Variants in PBX1 observed in about 807,000 individuals in gnomAD.
PBX1 encodes the protein pre-B-cell leukemia transcription factor 1.
Under a neutral mutation model 53.4 loss-of-function variants are expected in PBX1, and 6 were observed. That is an observed-to-expected ratio of 0.11 (90% CI 0.06 to 0.22). The LOEUF (loss-of-function observed/expected upper bound fraction) is 0.22, where lower values mean the gene tolerates loss of function less well. PBX1 is among the 10% of genes least tolerant of loss of function. PBX1 has a pLI of 1.00. For missense variants in PBX1, 251 were observed against 551.4 expected (o/e 0.46, Z 5.46); for synonymous variants, 204 against 212.3 (o/e 0.96, Z 0.34).
At chr1:164,723,430 G>A (rs1664515239) in intron 2 of PBX1, among the ~76,000 whole-genome samples, 1 of 152,180 alleles carries the variant, frequency 6.6e-6, no homozygotes, top group Non-Finnish European at 1.5e-5. Context: ...GATGTGCTTG[G>A]AGCATTGGCA....
At chr1:164,705,876 A>G (rs1323209677) in intron 2 of PBX1, among the ~76,000 whole-genome samples, 1 of 152,232 alleles carries the variant, frequency 6.6e-6, no homozygotes, top group East Asian at 1.9e-4. Context: ...GTTCACCTTC[A>G]TGCTGCCTGA....
In PBX1 at chr1:164,848,150, A is replaced by G. The variant is rs375028098; in HGVS notation, c.*1474A>G. 461 of 1,050,284 alleles carry G rather than the reference A, an allele frequency of 4.4e-4. 4 individuals carry two copies. In the South Asian group the frequency reaches 0.013, roughly 30 times the overall value. The allele number at this position is 1,050,284 out of a possible 1,614,324, so 65.1% of individuals were successfully genotyped here. A position where few individuals can be genotyped will look rare whatever the true frequency, so the allele number is the denominator to read the frequency against. On this transcript the variant is annotated 3_prime_UTR_variant, in exon 9 of 9. Transcript: ENST00000420696. ...TGGGGAAAGGGAAGGTAATGTTTTC[A>G]TTGAAATCATCACAGTGATTTTTAT... is the stretch of plus-strand genomic sequence containing the variant.
chr1:164,645,294 C>T (rs886701017), intron 2 of PBX1, among the ~76,000 whole-genome samples: 1 of 152,138 alleles, frequency 6.6e-6, no homozygotes, highest in Non-Finnish European at 1.5e-5. Flanking sequence ...CCAGCAGAGG[C>T]CAGACCTTTT....
At chr1:164,602,017 A>G (rs1282143047) in intron 2 of PBX1, among the ~76,000 whole-genome samples, 1 of 152,132 alleles carries the variant, frequency 6.6e-6, no homozygotes, top group East Asian at 1.9e-4. Context: ...GTTTAGATAA[A>G]GTTGTTAGTT....
downstream of PBX1, among the ~76,000 whole-genome samples, chr1:164,856,410 G>T (rs1228030753): frequency 6.6e-6 from 1 of 152,026 alleles, no homozygotes; most frequent in Non-Finnish European, 1.5e-5. Flanking sequence ...CTTGCATAGG[G>T]CTCACTCTCT....
intron 2 of PBX1, among the ~76,000 whole-genome samples, chr1:164,724,972 A>G (rs1023365679): frequency 6.6e-6 from 1 of 152,096 alleles, no homozygotes; most frequent in Non-Finnish European, 1.5e-5. Flanking sequence ...AGATGCCTAT[A>G]CAGGTGGGTC....
At chr1:164,663,525 C>A (rs1660635994) in intron 2 of PBX1, among the ~76,000 whole-genome samples, 1 of 152,122 alleles carries the variant, frequency 6.6e-6, no homozygotes, top group African/African-American at 2.4e-5. Context: ...TGATCTGGGA[C>A]CTGAACGTAA....
chr1:164,618,303 G>GC (rs1043510510), intron 2 of PBX1, among the ~76,000 whole-genome samples: 11 of 150,410 alleles, frequency 7.3e-5, no homozygotes, highest in South Asian at 4.3e-4. Flanking sequence ...ACGGCGGGGG[G>GC]GGGGGGGCAC....
rs752191454 is a variant in PBX1 at position 164,860,769 on chromosome 1, C to T, written n.257+29286C>T. Reference sequence around the variant, plus strand: ...TACCTTTCAATGTCTTGGCTCCCCACATAAATTACTAGAATTCAAGGATCC... The same window carrying T: ...TACCTTTCAATGTCTTGGCTCCCCATATAAATTACTAGAATTCAAGGATCC... On this transcript the variant is annotated intron_variant and non_coding_transcript_variant, in intron 2 of 2. Coordinates refer to the PBX1 transcript ENST00000558796. 3.3e-5 allele frequency among the ~76,000 whole-genome samples: 5 copies of T among 152,160 alleles called. No individual in the cohort carries two copies. The South Asian group carries it at 6.2e-4, about 19-fold the overall frequency.
At chr1:164,707,767 C>G (rs1663525459) in intron 2 of PBX1, among the ~76,000 whole-genome samples, 1 of 152,164 alleles carries the variant, frequency 6.6e-6, no homozygotes, top group South Asian at 2.1e-4. Flanking sequence ...GAAGCCTTGT[C>G]TGAGTGAAAT....
At chr1:164,592,483 G>A (rs1464819400) in intron 2 of PBX1, among the ~76,000 whole-genome samples, 2 of 152,332 alleles carry the variant, frequency 1.3e-5, no homozygotes, top group South Asian at 2.1e-4. Context: ...GAAAGGAAAG[G>A]AGAAGTTGAG....
intron 4 of PBX1, among the ~76,000 whole-genome samples, chr1:164,802,323 A>G (rs1669118416): frequency 1.3e-5 from 2 of 152,222 alleles, no homozygotes; most frequent in Admixed American, 6.5e-5. Flanking sequence ...TCTGTAATCA[A>G]GCTTATAAGC....
intron 2 of PBX1, chr1:164,679,996 T>C (rs937698355): frequency 2.6e-5 from 4 of 152,128 alleles, no homozygotes; most frequent in Admixed American, 1.3e-4. Flanking sequence ...GTTGGAAATA[T>C]CAGTCACGTG....
intron 2 of PBX1, among the ~76,000 whole-genome samples, chr1:164,664,512 A>G (rs1038802280): frequency 6.6e-6 from 1 of 152,218 alleles, no homozygotes; most frequent in African/African-American, 2.4e-5. Context: ...ACTAGTCACA[A>G]TATCAACTGG....
Position 164,811,004 on chromosome 1 carries a change from G to A in PBX1, c.838-986G>A, listed in dbSNP as rs375884333. ...TTTGCAACAGTTTTCTTTATCTGCCGTCGTTGGGAGTTAAATATCAATGAT... is the reference window on the plus strand; with the variant it reads ...TTTGCAACAGTTTTCTTTATCTGCCATCGTTGGGAGTTAAATATCAATGAT... On this transcript the variant is annotated intron_variant, in intron 5 of 8. Coordinates refer to ENST00000420696, the MANE Select transcript of PBX1 (RefSeq NM_002585.4). Among the ~76,000 whole-genome samples the A allele has an allele frequency of 3.9e-4, 59 of 152,192 alleles. No individual in the cohort carries two copies. In the East Asian group the frequency reaches 7.1e-3, roughly 18 times the overall value.
In PBX1 at chr1:164,849,502, G is replaced by A. The variant is rs143084650; in HGVS notation, c.*2826G>A. On this transcript the variant is annotated 3_prime_UTR_variant, in exon 9 of 9. Coordinates refer to ENST00000420696, the MANE Select transcript of PBX1 (RefSeq NM_002585.4). ...AACACAGCTTCCTGGGAATTCACATGAGGCCAGTCCTACAGAGAGCAAGAT... is the reference window on the plus strand; with the variant it reads ...AACACAGCTTCCTGGGAATTCACATAAGGCCAGTCCTACAGAGAGCAAGAT... The A allele has an allele frequency of 1.0e-3, 1,521 of 1,511,974 alleles. 10 individuals are homozygous for A. Among genetic ancestry groups the A allele is most frequent in the South Asian group, 4.9e-3 (407 of 82,762 alleles). 93.7% of individuals were successfully genotyped at this position (1,511,974 alleles called of 1,614,324 possible).
chr1:164,686,265 A>G (rs572245403), intron 2 of PBX1, among the ~76,000 whole-genome samples: 2 of 152,282 alleles, frequency 1.3e-5, no homozygotes, highest in East Asian at 1.9e-4. Flanking sequence ...ACCTGTGAGT[A>G]TGTGGTTTTT....
intron 8 of PBX1, among the ~76,000 whole-genome samples, chr1:164,828,059 G>A (rs942213956): frequency 6.6e-6 from 1 of 152,126 alleles, no homozygotes; most frequent in Admixed American, 6.5e-5. Flanking sequence ...ATGACAGAAG[G>A]GGGGAATTTA....
intron 8 of PBX1, among the ~76,000 whole-genome samples, chr1:164,830,620 A>G (rs1670706280): frequency 1.3e-5 from 2 of 152,174 alleles, no homozygotes; most frequent in South Asian, 2.1e-4. Flanking sequence ...CCAACCTAAT[A>G]ATTCTTCAAG....
Sources: gnomAD v4.1 joint callset for allele counts (sites outside exome capture counted in the v4.1 genomes callset) on GRCh38, gnomAD v4.1.1 for gene constraint, MANE v1.5 for transcripts, NCBI Gene and HGNC (gene_info 2026-07-23, HGNC 2026-07-21) for gene names.